Variants in CRMP1 observed in about 807,000 individuals in gnomAD.
CRMP1 encodes the protein dihydropyrimidinase-related protein 1.
In CRMP1, 19 loss-of-function variants were observed where a neutral mutation model predicts 68.3. That is an observed-to-expected ratio of 0.28 (90% confidence interval 0.19 to 0.41). The LOEUF is 0.41. Ranked by LOEUF, CRMP1 falls within the 10% of genes least tolerant of loss-of-function variation. The pLI is 1.00. For missense variants in CRMP1, 791 were observed against 967.4 expected, an observed-to-expected ratio of 0.82 and a Z score of 2.42; for synonymous variants, 439 against 399.6, an observed-to-expected ratio of 1.10 and a Z score of -1.18.
Position 5,879,189 on chromosome 4 carries a change from T to A in CRMP1, c.382-12433A>T, listed in dbSNP as rs113785813. Among the ~76,000 whole-genome samples, 3,024 of 152,262 alleles carry A rather than the reference T, an allele frequency of 0.02. 53 individuals are homozygous for A. The highest frequency in any genetic ancestry group is 0.051 in the Middle Eastern group (15 of 294). On this transcript the variant is annotated intron_variant, in intron 1 of 13. Coordinates refer to ENST00000324989, the MANE Select transcript of CRMP1 (RefSeq NM_001014809.3). This position sits in a 1 kb window ranked among gnomAD's most constrained non-coding sequence, Gnocchi z 4.2. Reference sequence around the variant, plus strand: ...TCTCTCGGCCGCGCCCCACCACATCTATCTACGCACACCACGCTCTGCCTC... The same window carrying A: ...TCTCTCGGCCGCGCCCCACCACATCAATCTACGCACACCACGCTCTGCCTC...
Position 5,836,029 on chromosome 4 carries a change from G to A in CRMP1, c.1509C>T (p.Ala503=). ...TCCTTGGGTACAGGTTAAAGATCTT[G>A]GCTGCATTGGTGCTGGTGACAGCGA... is the stretch of plus-strand genomic sequence containing the variant. The part of the protein sequence containing the change: ...QFVAVTSTNA[A]KIFNLYPRKG... The change falls in exon 11 of 14, where the codon GCC becomes GCT. Residue 503 remains alanine, a synonymous_variant. Transcript: ENST00000324989. 6.2e-7 allele frequency: 1 copy of A among 1,601,756 alleles called. No individual in the cohort carries two copies. Among genetic ancestry groups the A allele is most frequent in the Non-Finnish European group, 8.5e-7 (1 of 1,174,130 alleles).
chr4:5,865,084 C>G lies in CRMP1; in HGVS notation c.470+1584G>C, dbSNP rs1713889592. On this transcript the variant is annotated intron_variant, in intron 2 of 13. Coordinates refer to ENST00000324989, the MANE Select transcript of CRMP1 (RefSeq NM_001014809.3). The surrounding 1 kb of genome is among the most constrained non-coding windows in gnomAD (Gnocchi z 4.1). ...TTTCCCCCAGCCTCCTCCTCCTCCT[C>G]CATCATCATCTCCAAAGCCCACACG... Among the ~76,000 whole-genome samples, 1 of 152,028 alleles carries G rather than the reference C, an allele frequency of 6.6e-6. No homozygotes were observed. The highest frequency in any genetic ancestry group is 2.1e-4 in the South Asian group (1 of 4,814).
intron 2 of CRMP1, among the ~76,000 whole-genome samples, chr4:5,863,035 A>C (rs1322111139): frequency 6.7e-6 from 1 of 148,764 alleles, no homozygotes; most frequent in African/African-American, 2.5e-5. Context: ...CTAATCTTGA[A>C]CTCCTGAGCT....
At chr4:5,875,870 C>T (rs374442931) in intron 1 of CRMP1, among the ~76,000 whole-genome samples, 1 of 152,206 alleles carries the variant, frequency 6.6e-6, no homozygotes, top group South Asian at 2.1e-4. Flanking sequence ...AGTCTTGTTT[C>T]AGCCAGGCGC....
rs183320012 is a variant in CRMP1, at chr4:5,858,843, G to A, written c.655+2183C>T. Among the ~76,000 whole-genome samples, 354 of 152,216 alleles carry A rather than the reference G, an allele frequency of 2.3e-3. No individual in the cohort carries two copies. Among genetic ancestry groups the A allele is most frequent in the Non-Finnish European group, 3.7e-3 (255 of 68,014 alleles). On this transcript the variant is annotated intron_variant, in intron 3 of 13. Transcript: ENST00000324989. This position sits in a 1 kb window ranked among gnomAD's most constrained non-coding sequence, Gnocchi z 5.5. The stretch of plus-strand genomic sequence containing the variant: ...CCCTCAATCTCGACACCCCTGCACC[G>A]TGGGCCTCCCTGCAGTCTCTGGAAT...
Position 5,838,691 on chromosome 4 carries a change from C to A in CRMP1, c.1310+831G>T, listed in dbSNP as rs1720887807. The stretch of plus-strand genomic sequence containing the variant: ...TTGGACTGCAGATGTTGAGTAAGCC[C>A]TTGGCTACGCTAGTCAAAGGTTTCT... On this transcript the variant is annotated intron_variant, in intron 9 of 13. Transcript: ENST00000324989. This position sits in a 1 kb window ranked among gnomAD's most constrained non-coding sequence, Gnocchi z 4.9. 6.6e-6 allele frequency among the ~76,000 whole-genome samples: 1 copy of A among 152,174 alleles called. No homozygotes were observed. The highest frequency in any genetic ancestry group is 2.4e-5 in the African/African-American group (1 of 41,430).
At position 5,892,236 on chromosome 4, in the gene CRMP1, G is replaced by A. The variant is rs534627159; in HGVS notation, c.381+353C>T. On this transcript the variant is annotated intron_variant, in intron 1 of 13. Coordinates refer to ENST00000324989, the MANE Select transcript of CRMP1 (RefSeq NM_001014809.3). The surrounding 1 kb of genome is among the most constrained non-coding windows in gnomAD (Gnocchi z 8.6). ...GTTCTTTTCACAAAACAGAATGAGG[G>A]GCCTGGGTTAGATTCATCCCAGAGG... Among the ~76,000 whole-genome samples the A allele has an allele frequency of 3.3e-5, 5 of 152,254 alleles. No homozygotes were observed. Among genetic ancestry groups the A allele is most frequent in the African/African-American group, 1.2e-4 (5 of 41,546 alleles).
intron 6 of CRMP1, among the ~76,000 whole-genome samples, chr4:5,845,259 C>A (rs1298742437): frequency 6.6e-6 from 1 of 152,194 alleles, no homozygotes; most frequent in African/African-American, 2.4e-5. Flanking sequence ...CAGCACCTTG[C>A]TTCTGATGAG....
rs140273854 is a variant in CRMP1, at chr4:5,858,291, C to T, written c.656-1984G>A. On this transcript the variant is annotated intron_variant, in intron 3 of 13. Transcript: ENST00000324989. This position sits in a 1 kb window ranked among gnomAD's most constrained non-coding sequence, Gnocchi z 5.5. ...TTCTTTGTGCCAGCTCATTGAAACACACCACTTGCTCTGAGCTACAGAACT... is the reference window on the plus strand; with the variant it reads ...TTCTTTGTGCCAGCTCATTGAAACATACCACTTGCTCTGAGCTACAGAACT... Among the ~76,000 whole-genome samples the T allele has an allele frequency of 6.6e-6, 1 of 152,278 alleles. No homozygotes were observed. The highest frequency in any genetic ancestry group is 1.5e-5 in the Non-Finnish European group (1 of 68,022).
rs181184378 is a variant in CRMP1, at chr4:5,823,490, G to T, written c.1970-1639C>A. Among the ~76,000 whole-genome samples the T allele has an allele frequency of 3.4e-3, 512 of 152,332 alleles. 2 individuals carry two copies. Among genetic ancestry groups the T allele is most frequent in the African/African-American group, 0.012 (487 of 41,578 alleles). On this transcript the variant is annotated intron_variant, in intron 13 of 13. Coordinates refer to ENST00000324989, the MANE Select transcript of CRMP1 (RefSeq NM_001014809.3). ...TTGGACTTTTGTCCCCCAAAACTTC[G>T]TGTTGAAATTTGATCCCAAAGTTGG...
rs113231255 is a variant in CRMP1 at position 5,879,855 on chromosome 4, C to CAAAA, written c.381+12730_381+12733dup. On this transcript the variant is annotated intron_variant, in intron 1 of 13. Transcript: ENST00000324989. The surrounding 1 kb of genome is among the most constrained non-coding windows in gnomAD (Gnocchi z 4.2). ...CTGCATGTTCAGAAATAAAATATAGCAAAAAAAAAAATGAGACGAAAGGAA... is the reference window on the plus strand; with the variant it reads ...CTGCATGTTCAGAAATAAAATATAGCAAAAAAAAAAAAAAATGAGACGAAAGGAA... Among the ~76,000 whole-genome samples the CAAAA allele has an allele frequency of 7.3e-6, 1 of 136,120 alleles. No individual in the cohort carries two copies. The highest frequency in any genetic ancestry group is 2.6e-5 in the African/African-American group (1 of 37,854). The allele number at this position is 136,120 out of a possible 152,430, so 89.3% of individuals were successfully genotyped here. A position where few individuals can be genotyped will look rare whatever the true frequency, so the allele number is the denominator to read the frequency against.
In CRMP1 at chr4:5,889,781, C is replaced by G; in HGVS notation, c.381+2808G>C. The G allele has an allele frequency of 2.0e-6, 3 of 1,529,636 alleles. No individual in the cohort carries two copies. 94.8% of individuals were successfully genotyped at this position (1,529,636 alleles called of 1,614,324 possible). ...CAGCACTGTGGTTGGGGGCTGGGGC[C>G]CTGACCTTCACCACCCCAGGGGCCA... On this transcript the variant is annotated intron_variant, in intron 1 of 13. Coordinates refer to ENST00000324989, the MANE Select transcript of CRMP1 (RefSeq NM_001014809.3). This position sits in a 1 kb window ranked among gnomAD's most constrained non-coding sequence, Gnocchi z 4.5.
At chr4:5,839,459 T>C in intron 9 of CRMP1, 63 bp downstream of exon 9, 1 of 1,545,870 alleles carries the variant, frequency 6.5e-7, no homozygotes, top group Middle Eastern at 2.2e-4. Flanking sequence ...ATTCCCACCA[T>C]TAACTCTCTG....
chr4:5,835,641 C>A (rs1245681429), intron 11 of CRMP1, among the ~76,000 whole-genome samples: 1 of 152,084 alleles, frequency 6.6e-6, no homozygotes, highest in East Asian at 1.9e-4. Context: ...TGTCAGATGG[C>A]TGGGAACACA....
chr4:5,843,236 G>C lies in CRMP1; in HGVS notation c.964-75C>G. 1.3e-5 allele frequency: 20 copies of C among 1,485,346 alleles called. No individual in the cohort carries two copies. Among genetic ancestry groups the C allele is most frequent in the Non-Finnish European group, 1.8e-5 (19 of 1,064,140 alleles). The allele number at this position is 1,485,346 out of a possible 1,614,324, so 92.0% of individuals were successfully genotyped here. Reference sequence around the variant, plus strand: ...GAGAAGTGACTCCTCCAACCCCCTGGTTAGACAGAGGGGGCAGCTGGGTCC... The same window carrying C: ...GAGAAGTGACTCCTCCAACCCCCTGCTTAGACAGAGGGGGCAGCTGGGTCC... On this transcript the variant is annotated intron_variant, in intron 6 of 13. Transcript: ENST00000324989. The surrounding 1 kb of genome is among the most constrained non-coding windows in gnomAD (Gnocchi z 4.1).
chr4:5,868,281 A>ATAGATATATATATATC (rs1553907516), intron 1 of CRMP1, among the ~76,000 whole-genome samples: 100 of 89,134 alleles, frequency 1.1e-3, no homozygotes, highest in African/African-American at 4.7e-3. Flanking sequence ...ATATATATAT[A>ATAGATATATATATATC]TATATATATA....
chr4:5,839,188 C>G (rs1174165274), intron 9 of CRMP1, among the ~76,000 whole-genome samples: 2 of 152,208 alleles, frequency 1.3e-5, no homozygotes, highest in African/African-American at 4.8e-5. Flanking sequence ...TCACGGGTGA[C>G]GTGCCAGGTC....
At chr4:5,868,263 A>ATCTATCTATC (rs1329749936) in intron 1 of CRMP1, among the ~76,000 whole-genome samples, 1 of 8,088 alleles carries the variant, frequency 1.2e-4, no homozygotes, top group Non-Finnish European at 3.4e-4. Context: ...CTATATATCT[A>ATCTATCTATC]TATATATATA....
At chr4:5,837,001 G>A in intron 9 of CRMP1, 95 bp from the exon 10 acceptor site, 1 of 1,388,318 alleles carries the variant, frequency 7.2e-7, no homozygotes. Context: ...GCCAGTGAAT[G>A]AATGAATAGA....
Sources: gnomAD v4.1 joint callset for allele counts (sites outside exome capture counted in the v4.1 genomes callset) on GRCh38, gnomAD v4.1.1 for gene constraint, Gnocchi (gnomAD v3.1) non-coding constraint, MANE v1.5 for transcripts, NCBI Gene and HGNC (gene_info 2026-07-23, HGNC 2026-07-21) for gene names.